The following GALNT9 variants were observed in gnomAD, a reference collection of about 807,000 sequenced individuals.
The protein encoded by GALNT9 is polypeptide N-acetylgalactosaminyltransferase 9.
A neutral mutation model predicts 63.1 loss-of-function variants in GALNT9; 47 were observed. The ratio of observed to expected loss-of-function variants is 0.75; its 90% CI spans 0.59 to 0.95. The LOEUF is 0.95. Among genes scored for constraint, GALNT9 ranks in the 40% least tolerant of loss-of-function variants. GALNT9 has a pLI of 0.00. For synonymous variants in GALNT9, 396 were observed against 365.7 expected, an observed-to-expected ratio of 1.08 and a Z score of -0.94; for missense variants, 829 against 874.8, an observed-to-expected ratio of 0.95 and a Z score of 0.66.
Position 132,257,710 on chromosome 12 carries a change from C to A in GALNT9, c.938G>T (p.Gly313Val), listed in dbSNP as rs1879190431. The A allele has an allele frequency of 6.5e-7, 1 of 1,549,808 alleles. No individual in the cohort carries two copies. Among genetic ancestry groups the A allele is most frequent in the Non-Finnish European group, 8.7e-7 (1 of 1,146,734 alleles). The stretch of plus-strand genomic sequence containing the variant: ...TCACCTGATGGGTGCTGACTCGTCG[C>A]CGCGGTCCAGCCAGTCCTGCGGGGG... ...IIPPQDWLDR[G>V]DESAPIRTPA... Residue 313 changes from glycine (G) to valine (V), a missense_variant, in exon 5 of 11, where the codon GGC becomes GTC. Physicochemically the swap from Gly to Val is moderately radical, Grantham distance 109. Transcript: ENST00000328957.
intron 9 of GALNT9, among the ~76,000 whole-genome samples, chr12:132,198,890 A>T (rs575240672): frequency 1.2e-3 from 176 of 152,096 alleles, no homozygotes; most frequent in Non-Finnish European, 1.9e-3. Context: ...GGCTTAAGTG[A>T]TCTGTCTGCC....
intron 6 of GALNT9, among the ~76,000 whole-genome samples, chr12:132,240,901 C>A (rs2136900073): frequency 2.1e-5 from 3 of 144,712 alleles, no homozygotes; most frequent in Non-Finnish European, 1.5e-5. Context: ...CACCACACAC[C>A]CTTCCCGGGG....
At chr12:132,197,770 C>G in intron 10 of GALNT9, 22 bp downstream of exon 10, 1 of 1,496,174 alleles carries the variant, frequency 6.7e-7, no homozygotes, top group South Asian at 1.2e-5. Flanking sequence ...AACCCCACGG[C>G]CCCCCTTCCC....
intron 1 of GALNT9, among the ~76,000 whole-genome samples, chr12:132,302,406 T>A (rs1555243920): frequency 6.6e-6 from 1 of 152,242 alleles, no homozygotes; most frequent in African/African-American, 2.4e-5. Context: ...TCTGTTTTTA[T>A]CACTACGTCT....
chr12:132,197,024 G>A lies in GALNT9; in HGVS notation c.*83C>T. 5 of 1,574,216 alleles carry A rather than the reference G, an allele frequency of 3.2e-6. No homozygotes were observed. The South Asian group carries it at 4.7e-5, about 15-fold the overall frequency. ...CATAGAGCCCTGTCCTGCTGTGTCT[G>A]CCGGGCACACCCCGGTCACTCAGCC... On this transcript the variant is annotated 3_prime_UTR_variant, in exon 11 of 11. Transcript: ENST00000328957.
At chr12:132,304,301 A>G (rs1555244273) in intron 1 of GALNT9, among the ~76,000 whole-genome samples, 1 of 97,906 alleles carries the variant, frequency 1.0e-5, no homozygotes, top group African/African-American at 4.6e-5. Flanking sequence ...GCCCGGACAC[A>G]CCCTCACCCG....
rs1878094657 is a variant in GALNT9 at position 132,238,706 on chromosome 12, C to A, written c.1077+9204G>T. ...ACTCAGCCTCTCTGGGCCTCAGCTC[C>A]TCCCCAGGGCTGTGGGAGGGGCCAG... On this transcript the variant is annotated intron_variant, in intron 6 of 10. Coordinates refer to ENST00000328957, the MANE Select transcript of GALNT9 (RefSeq NM_001122636.2). This position sits in a 1 kb window ranked among gnomAD's most constrained non-coding sequence, Gnocchi z 6.5. 6.6e-6 allele frequency among the ~76,000 whole-genome samples: 1 copy of A among 152,112 alleles called. No homozygotes were observed. The highest frequency in any genetic ancestry group is 2.4e-5 in the African/African-American group (1 of 41,414).
intron 3 of GALNT9, among the ~76,000 whole-genome samples, chr12:132,262,194 GAGA>G (rs1555239836): frequency 6.6e-6 from 1 of 152,204 alleles, no homozygotes; most frequent in East Asian, 1.9e-4. Flanking sequence ...GGGTCCTCAT[GAGA>G]AGAAGAGAGG....
At chr12:132,321,530 C>T (rs957395234) in intron 1 of GALNT9, among the ~76,000 whole-genome samples, 1 of 152,212 alleles carries the variant, frequency 6.6e-6, no homozygotes, top group African/African-American at 2.4e-5. Context: ...CCGGGGCCAA[C>T]AGGCTGTCCT....
intron 6 of GALNT9, among the ~76,000 whole-genome samples, chr12:132,216,211 A>C (rs1314166699): frequency 6.6e-6 from 1 of 152,142 alleles, no homozygotes; most frequent in African/African-American, 2.4e-5. Flanking sequence ...ACAGACACGG[A>C]GAGAGAGACA....
intron 2 of GALNT9, chr12:132,278,818 G>A (rs1165765986): frequency 6.6e-6 from 1 of 152,288 alleles, no homozygotes; most frequent in Non-Finnish European, 1.5e-5. Context: ...GAGGACCACA[G>A]GAGGTCAGGG....
intron 1 of GALNT9, among the ~76,000 whole-genome samples, chr12:132,293,956 G>T (rs1880957360): frequency 6.6e-6 from 1 of 152,266 alleles, no homozygotes; most frequent in African/African-American, 2.4e-5. Context: ...GTGGAGCCTG[G>T]CCCTGTTTGA....
rs552901916 is a variant in GALNT9, at chr12:132,250,137, C to T, written c.960-2110G>A. Among the ~76,000 whole-genome samples the T allele has an allele frequency of 6.7e-4, 102 of 152,308 alleles. 1 individual carries two copies. The highest frequency in any genetic ancestry group is 2.3e-3 in the African/African-American group (94 of 41,572). ...GAAGGAGCGAGGCTGACACAGCCTGCGACGTGGAGGAACCCTGGAAACGTG... is the reference window on the plus strand; with the variant it reads ...GAAGGAGCGAGGCTGACACAGCCTGTGACGTGGAGGAACCCTGGAAACGTG... On this transcript the variant is annotated intron_variant, in intron 5 of 10. Transcript: ENST00000328957.
chr12:132,292,826 G>A (rs1555242904), intron 1 of GALNT9, among the ~76,000 whole-genome samples: 2 of 152,226 alleles, frequency 1.3e-5, no homozygotes, highest in Non-Finnish European at 2.9e-5. Context: ...CTGGACCACC[G>A]TTGTTCGGTG....
At position 132,296,517 on chromosome 12, in the gene GALNT9, C is replaced by T. The variant is rs1555243263; in HGVS notation, c.239-10087G>A. Among the ~76,000 whole-genome samples the T allele has an allele frequency of 6.6e-6, 1 of 152,216 alleles. No individual in the cohort carries two copies. The highest frequency in any genetic ancestry group is 2.1e-4 in the South Asian group (1 of 4,832). ...AACACTGCAAGCTTGTCATCTTATC[C>T]TTGAATAAGATGTAATTTTGAGAAT... On this transcript the variant is annotated intron_variant, in intron 1 of 10. Transcript: ENST00000328957. This position sits in a 1 kb window ranked among gnomAD's most constrained non-coding sequence, Gnocchi z 4.2.
At chr12:132,216,291 A>T (rs1877190076) in intron 6 of GALNT9, among the ~76,000 whole-genome samples, 1 of 152,192 alleles carries the variant, frequency 6.6e-6, no homozygotes, top group African/African-American at 2.4e-5. Flanking sequence ...ACAGAGGAAG[A>T]CAGAGAGACA....
intron 1 of GALNT9, among the ~76,000 whole-genome samples, chr12:132,300,264 C>T (rs1881243316): frequency 6.9e-6 from 1 of 143,894 alleles, no homozygotes; most frequent in Non-Finnish European, 1.5e-5. Flanking sequence ...ATAACTAACC[C>T]ACTCCCACCA....
intron 1 of GALNT9, among the ~76,000 whole-genome samples, chr12:132,322,976 G>A (rs577089548): frequency 2.0e-5 from 3 of 152,186 alleles, no homozygotes; most frequent in Non-Finnish European, 4.4e-5. Flanking sequence ...CCTCGGGCTC[G>A]AGAGCCGTGC....
At chr12:132,223,145 AC>A (rs1565992091) in intron 6 of GALNT9, among the ~76,000 whole-genome samples, 1 of 8,560 alleles carries the variant, frequency 1.2e-4, no homozygotes. Flanking sequence ...CCACACACAC[AC>A]CACACAACCC....
Sources: allele counts gnomAD v4.1 joint callset (sites outside exome capture counted in the v4.1 genomes callset), GRCh38; gene constraint gnomAD v4.1.1; non-coding constraint Gnocchi (gnomAD v3.1); transcripts MANE v1.5; gene names NCBI Gene and HGNC (gene_info 2026-07-23, HGNC 2026-07-21).